The following DRC11 variants were observed in gnomAD, a reference collection of about 807,000 sequenced individuals.
DRC11 encodes IQ and AAA domain-containing protein 1.
chr2:236,367,957 C>T, the DRC11 span: 2 of 541,552 alleles, frequency 3.7e-6, no homozygotes, highest in African/African-American at 3.8e-5. The surrounding 1 kb of genome is among the most constrained non-coding windows in gnomAD (Gnocchi z 4.8). Context: ...GCCTGTATGT[C>T]CTTCAGCCCA....
At chr2:236,324,244 C>T in the DRC11 span, 1 of 169,774 alleles carries the variant, frequency 5.9e-6, no homozygotes, top group Admixed American at 5.7e-5. The surrounding 1 kb of genome is among the most constrained non-coding windows in gnomAD (Gnocchi z 5.7). Flanking sequence ...ATACAGTGTA[C>T]ATGGATTAAT....
At chr2:236,491,059 T>TATACACAC in the DRC11 span, among the ~76,000 whole-genome samples, 4 of 138,222 alleles carry the variant, frequency 2.9e-5, no homozygotes, top group African/African-American at 1.1e-4. Flanking sequence ...TATATATATA[T>TATACACAC]ACACACAGTA....
the DRC11 span, among the ~76,000 whole-genome samples, chr2:236,396,474 C>T: frequency 2.6e-5 from 4 of 152,262 alleles, no homozygotes; most frequent in African/African-American, 7.2e-5. Flanking sequence ...AATGACACTA[C>T]AGGCTTGCTT....
At chr2:236,335,899 G>A in the DRC11 span, among the ~76,000 whole-genome samples, 4 of 148,926 alleles carry the variant, frequency 2.7e-5, no homozygotes, top group Non-Finnish European at 4.5e-5. The surrounding 1 kb of genome is among the most constrained non-coding windows in gnomAD (Gnocchi z 5.6). Flanking sequence ...CTCCTTTCTC[G>A]GCTGGACAGC....
At chr2:236,408,510 G>A in the DRC11 span, 5 of 733,962 alleles carry the variant, frequency 6.8e-6, no homozygotes, top group Non-Finnish European at 1.3e-5. This position sits in a 1 kb window ranked among gnomAD's most constrained non-coding sequence, Gnocchi z 5.5. Flanking sequence ...TGGCCACGGT[G>A]CCTCTGTTCA....
At chr2:236,381,455 A>G in the DRC11 span, among the ~76,000 whole-genome samples, 1 of 151,402 alleles carries the variant, frequency 6.6e-6, no homozygotes, top group Non-Finnish European at 1.5e-5. This position sits in a 1 kb window ranked among gnomAD's most constrained non-coding sequence, Gnocchi z 5.8. Flanking sequence ...CAAACAGACT[A>G]AGGCAGTACC....
chr2:236,322,506 A>G, the DRC11 span, among the ~76,000 whole-genome samples: 1 of 152,016 alleles, frequency 6.6e-6, no homozygotes, highest in African/African-American at 2.4e-5. Flanking sequence ...TCGGCCTCCC[A>G]AAGTGCTGGG....
At chr2:236,382,290 G>A in the DRC11 span, among the ~76,000 whole-genome samples, 1 of 152,156 alleles carries the variant, frequency 6.6e-6, no homozygotes, top group East Asian at 1.9e-4. Flanking sequence ...TCTCTGTCCT[G>A]TTCCACTGAT....
At chr2:236,480,381 T>C in the DRC11 span, among the ~76,000 whole-genome samples, 13 of 152,172 alleles carry the variant, frequency 8.5e-5, no homozygotes, top group African/African-American at 3.1e-4. Flanking sequence ...CTTGCTCTTC[T>C]GAGGTAATTT....
the DRC11 span, among the ~76,000 whole-genome samples, chr2:236,503,031 A>G: frequency 2.0e-5 from 3 of 152,264 alleles, no homozygotes; most frequent in Non-Finnish European, 4.4e-5. This position sits in a 1 kb window ranked among gnomAD's most constrained non-coding sequence, Gnocchi z 4.9. Context: ...CCAAGAATTC[A>G]GTAACAATAG....
the DRC11 span, among the ~76,000 whole-genome samples, chr2:236,379,969 A>G: frequency 6.6e-6 from 1 of 152,284 alleles, no homozygotes; most frequent in Admixed American, 6.5e-5. Flanking sequence ...AAAAATATAC[A>G]TTCAAAATTA....
At chr2:236,473,707 C>A in the DRC11 span, among the ~76,000 whole-genome samples, 3 of 151,044 alleles carry the variant, frequency 2.0e-5, no homozygotes, top group African/African-American at 4.9e-5. This position sits in a 1 kb window ranked among gnomAD's most constrained non-coding sequence, Gnocchi z 4.8. Context: ...AAAATAACTG[C>A]ACATAAATTT....
At chr2:236,422,551 A>G in the DRC11 span, among the ~76,000 whole-genome samples, 5 of 152,206 alleles carry the variant, frequency 3.3e-5, no homozygotes, top group African/African-American at 1.2e-4. Context: ...GAAATAAAAG[A>G]GAATACAAAC....
At chr2:236,357,488 TATAA>T in the DRC11 span, among the ~76,000 whole-genome samples, 1 of 127,456 alleles carries the variant, frequency 7.8e-6, no homozygotes, top group African/African-American at 3.1e-5. Context: ...ATTTATATAT[TATAA>T]ATACATATTT....
the DRC11 span, among the ~76,000 whole-genome samples, chr2:236,472,118 T>C: frequency 1.3e-5 from 2 of 152,202 alleles, no homozygotes; most frequent in African/African-American, 2.4e-5. The surrounding 1 kb of genome is among the most constrained non-coding windows in gnomAD (Gnocchi z 4.6). Context: ...TTCCTTTTTT[T>C]CCCCAAAGCC....
At chr2:236,424,703 CA>C in the DRC11 span, among the ~76,000 whole-genome samples, 1 of 150,310 alleles carries the variant, frequency 6.7e-6, no homozygotes, top group Non-Finnish European at 1.5e-5. Context: ...TAAAAATATA[CA>C]ATATAATATT....
the DRC11 span, among the ~76,000 whole-genome samples, chr2:236,347,508 C>CTCTATATATATATATATATA: frequency 3.4e-4 from 37 of 107,476 alleles, 3 homozygotes; most frequent in Non-Finnish European, 5.0e-4. Context: ...AAAAACTGTG[C>CTCTATATATATATATATATA]TATATATATA....
At chr2:236,488,286 G>T in the DRC11 span, 1 of 893,030 alleles carries the variant, frequency 1.1e-6, no homozygotes, top group Non-Finnish European at 1.6e-6. Flanking sequence ...ACACAATCCT[G>T]CTAAGGGTCC....
At chr2:236,358,302 A>G in the DRC11 span, among the ~76,000 whole-genome samples, 52 of 130,858 alleles carry the variant, frequency 4.0e-4, no homozygotes, top group South Asian at 5.6e-3. Context: ...GAATATATAT[A>G]ATATATAGAT....
Sources: allele counts gnomAD v4.1 joint callset (sites outside exome capture counted in the v4.1 genomes callset), GRCh38; gene constraint gnomAD v4.1.1; non-coding constraint Gnocchi (gnomAD v3.1); transcripts MANE v1.5; gene names NCBI Gene and HGNC (gene_info 2026-07-23, HGNC 2026-07-21).